The following TTLL9 variants were observed in gnomAD, a reference collection of about 807,000 sequenced individuals.
The protein encoded by TTLL9 is tubulin tyrosine ligase like 9.
Under a neutral mutation model 65.6 loss-of-function variants are expected in TTLL9, and 47 were observed. That is an observed-to-expected ratio of 0.72 (90% confidence interval 0.57 to 0.91). The LOEUF is 0.91. TTLL9 is among the 40% of genes least tolerant of loss of function. The probability of loss-of-function intolerance (pLI) is 0.00; values close to 1 mark genes in which losing one functional copy is unlikely to be tolerated. For missense variants in TTLL9, 537 were observed against 568.8 expected, an observed-to-expected ratio of 0.94 and a Z score of 0.57; for synonymous variants, 179 against 204.8, an observed-to-expected ratio of 0.87 and a Z score of 1.07.
At chr20:31,902,381 C>T (rs909496281) in intron 4 of TTLL9, among the ~76,000 whole-genome samples, 1 of 151,974 alleles carries the variant, frequency 6.6e-6, no homozygotes, top group Non-Finnish European at 1.5e-5. Context: ...TACTTCATTC[C>T]TTTTTGTTTG....
chr20:31,926,116 C>T (rs763387164), intron 10 of TTLL9, 25 bp downstream of exon 10: 32 of 1,522,620 alleles, frequency 2.1e-5, no homozygotes, highest in Non-Finnish European at 2.9e-5. Context: ...TGGTCCCTTC[C>T]CTCCGGGAGC....
intron 3 of TTLL9, among the ~76,000 whole-genome samples, chr20:31,890,205 T>TTCTTTCTTTCTTTCTTTC (rs1568754246): frequency 1.7e-5 from 2 of 117,794 alleles, no homozygotes; most frequent in African/African-American, 6.6e-5. Flanking sequence ...TTCTTTCTCT[T>TTCTTTCTTTCTTTCTTTC]TCTTTCATCA....
Position 31,872,910 on chromosome 20 carries a change from C to T in TTLL9, c.69+1715C>T, listed in dbSNP as rs2062958551. On this transcript the variant is annotated intron_variant, in intron 2 of 14. Transcript: ENST00000535842. ...GGCCATGATTGGGAGTTAAAGTTTT[C>T]CTTCTCTTCTGTCGGATAAAAATCC... is the stretch of plus-strand genomic sequence containing the variant. The T allele has an allele frequency of 6.5e-6, 3 of 464,620 alleles. No individual in the cohort carries two copies. The Admixed American group carries it at 6.9e-5, about 11-fold the overall frequency. 28.8% of individuals were successfully genotyped at this position (464,620 alleles called of 1,614,324 possible).
chr20:31,890,138 C>CTTTCTTTCTTTCT (rs2063278578), intron 3 of TTLL9, among the ~76,000 whole-genome samples: 1 of 34,964 alleles, frequency 2.9e-5, no homozygotes, highest in African/African-American at 1.7e-4. Flanking sequence ...TCCTTCCTTC[C>CTTTCTTTCTTTCT]TTCCTTCCTT....
At position 31,890,154 on chromosome 20, in the gene TTLL9, C is replaced by CCTTCTTTCTTTCTTTCTTTCTTTCTTTCT. The variant is rs2063281123; in HGVS notation, c.113+2915_113+2916insCTTCTTTCTTTCTTTCTTTCTTTCTTTCT. Among the ~76,000 whole-genome samples the CCTTCTTTCTTTCTTTCTTTCTTTCTTTCT allele has an allele frequency of 3.7e-4, 5 of 13,576 alleles. 1 individual carries two copies. Among genetic ancestry groups the CCTTCTTTCTTTCTTTCTTTCTTTCTTTCT allele is most frequent in the Non-Finnish European group, 6.4e-4 (5 of 7,868 alleles). 8.9% of individuals were successfully genotyped at this position (13,576 alleles called of 152,430 possible). A position where few individuals can be genotyped will look rare whatever the true frequency, so the allele number is the denominator to read the frequency against. ...CCTTCCTTCCTTCCTTCCTTCCTTC[C>CCTTCTTTCTTTCTTTCTTTCTTTCTTTCT]TTCTTTCTTTCTTTCTTTCTTTCTT... On this transcript the variant is annotated intron_variant, in intron 3 of 14. Coordinates refer to ENST00000535842, the MANE Select transcript of TTLL9 (RefSeq NM_001008409.5).
At chr20:31,872,885 G>A (rs1256341221) in intron 2 of TTLL9, 1 of 445,454 alleles carries the variant, frequency 2.2e-6, no homozygotes, top group Non-Finnish European at 4.5e-6. Context: ...GAGCACATAT[G>A]GCCATGATTG....
chr20:31,892,818 A>G (rs942033990), intron 3 of TTLL9, among the ~76,000 whole-genome samples: 1 of 152,150 alleles, frequency 6.6e-6, no homozygotes, highest in Non-Finnish European at 1.5e-5. Flanking sequence ...TAATTACACC[A>G]CTTCATGCAC....
In TTLL9 at chr20:31,943,075, C is replaced by G. The variant is rs765352958; in HGVS notation, c.*54C>G. 1.4e-5 allele frequency: 21 copies of G among 1,523,694 alleles called. No homozygotes were observed. Among genetic ancestry groups the G allele is most frequent in the African/African-American group, 2.7e-5 (2 of 73,072 alleles). 94.4% of individuals were successfully genotyped at this position (1,523,694 alleles called of 1,614,324 possible). On this transcript the variant is annotated 3_prime_UTR_variant, in exon 15 of 15. Coordinates refer to ENST00000535842, the MANE Select transcript of TTLL9 (RefSeq NM_001008409.5). ...TAGCAGGTGCCACCCAGGCCTCCCC[C>G]CCACTCCCAGATCCCAGCACAGCAC... is the stretch of plus-strand genomic sequence containing the variant.
At chr20:31,908,764 G>A in intron 5 of TTLL9, 62 bp downstream of exon 5, 2 of 1,285,502 alleles carry the variant, frequency 1.6e-6, no homozygotes, top group South Asian at 1.2e-5. Context: ...GTGGCCATGA[G>A]CTGGAGCTGG....
At chr20:31,883,633 A>G (rs1327886398) in intron 2 of TTLL9, among the ~76,000 whole-genome samples, 1 of 152,230 alleles carries the variant, frequency 6.6e-6, no homozygotes, top group Non-Finnish European at 1.5e-5. Flanking sequence ...TTTGACTCCT[A>G]TAATGGTCAA....
chr20:31,925,808 C>A, intron 9 of TTLL9: 1 of 1,406,476 alleles, frequency 7.1e-7, no homozygotes, highest in Non-Finnish European at 9.8e-7. Flanking sequence ...AAGAGCTAGG[C>A]GGTGTGAGAG....
At chr20:31,875,719 A>G (rs1425529180) in intron 2 of TTLL9, among the ~76,000 whole-genome samples, 1 of 152,154 alleles carries the variant, frequency 6.6e-6, no homozygotes, top group East Asian at 1.9e-4. Flanking sequence ...TTCATTGGGG[A>G]AAAAAATCTT....
At chr20:31,933,494 G>C (rs2064054567) in intron 10 of TTLL9, among the ~76,000 whole-genome samples, 1 of 152,166 alleles carries the variant, frequency 6.6e-6, no homozygotes, top group Non-Finnish European at 1.5e-5. Context: ...AGCTATGCCA[G>C]GCACTGGAAG....
intron 2 of TTLL9, among the ~76,000 whole-genome samples, chr20:31,878,347 C>T (rs1399497422): frequency 6.6e-6 from 1 of 152,232 alleles, no homozygotes; most frequent in Non-Finnish European, 1.5e-5. Flanking sequence ...CACACTACTA[C>T]TGTATGAAGC....
rs775414005 is a variant in TTLL9, at chr20:31,943,046, G to T, written c.*25G>T. 1.9e-6 allele frequency: 3 copies of T among 1,611,480 alleles called. No homozygotes were observed. On this transcript the variant is annotated 3_prime_UTR_variant, in exon 15 of 15. Transcript: ENST00000535842. ...ATCCCCAGCTGCCAGGAGGAAATCA[G>T]CCTTAGCAGGTGCCACCCAGGCCTC...
intron 6 of TTLL9, among the ~76,000 whole-genome samples, chr20:31,916,472 G>T (rs1169697256): frequency 6.6e-6 from 1 of 152,108 alleles, no homozygotes; most frequent in Non-Finnish European, 1.5e-5. Flanking sequence ...TCATTCTTTA[G>T]GGTTAGTCCC....
At chr20:31,901,556 G>A (rs2063480915) in intron 4 of TTLL9, 1 of 152,172 alleles carries the variant, frequency 6.6e-6, no homozygotes, top group South Asian at 2.1e-4. Context: ...TCCACACGGT[G>A]GTCTACAAGG....
chr20:31,905,831 T>TGAGACCAGTCTGACCAACATGGAG (rs2063548136), intron 4 of TTLL9, among the ~76,000 whole-genome samples: 2 of 152,052 alleles, frequency 1.3e-5, no homozygotes, highest in Non-Finnish European at 2.9e-5. Flanking sequence ...GTCAGGAGTT[T>TGAGACCAGTCTGACCAACATGGAG]GAGACCAGTC....
intron 14 of TTLL9, chr20:31,940,403 T>A (rs1010850682): frequency 6.6e-6 from 1 of 152,368 alleles, no homozygotes; most frequent in South Asian, 2.1e-4. Flanking sequence ...CAGATGACTA[T>A]ATAACACTGT....
Sources: gnomAD v4.1 joint callset for allele counts (sites outside exome capture counted in the v4.1 genomes callset) on GRCh38, gnomAD v4.1.1 for gene constraint, MANE v1.5 for transcripts, NCBI Gene and HGNC (gene_info 2026-07-23, HGNC 2026-07-21) for gene names.